Variants in PTPRJ observed in about 807,000 individuals in gnomAD.
PTPRJ encodes the protein receptor-type tyrosine-protein phosphatase eta.
Under a neutral mutation model 141.3 loss-of-function variants are expected in PTPRJ, and 129 were observed. The ratio of observed to expected loss-of-function variants is 0.91; its 90% CI spans 0.79 to 1.06. The LOEUF is 1.06. Among genes scored for constraint, PTPRJ ranks in the 50% least tolerant of loss-of-function variants. PTPRJ has a pLI of 0.00. For synonymous variants in PTPRJ, 610 were observed against 640.5 expected (o/e 0.95, Z 0.72); for missense variants, 1,601 against 1,679.7 (o/e 0.95, Z 0.82).
intron 1 of PTPRJ, among the ~76,000 whole-genome samples, chr11:48,057,831 C>G (rs1420756058): frequency 1.3e-5 from 2 of 152,098 alleles, no homozygotes; most frequent in East Asian, 3.9e-4. Flanking sequence ...GCCAATGGTT[C>G]TAGCCAGTTT....
intron 1 of PTPRJ, among the ~76,000 whole-genome samples, chr11:48,018,974 C>G (rs1172356611): frequency 6.6e-6 from 1 of 152,090 alleles, no homozygotes; most frequent in Non-Finnish European, 1.5e-5. Context: ...TACCCTCTCT[C>G]CACGCTTTCT....
chr11:48,037,595 T>TGAGTCCAGGAGTTC (rs1199019126), intron 1 of PTPRJ, among the ~76,000 whole-genome samples: 1 of 152,184 alleles, frequency 6.6e-6, no homozygotes, highest in Non-Finnish European at 1.5e-5. Context: ...GCGGATCACT[T>TGAGTCCAGGAGTTC]GAGTCCAGGA....
At chr11:48,041,402 A>T (rs1854270328) in intron 1 of PTPRJ, among the ~76,000 whole-genome samples, 1 of 152,182 alleles carries the variant, frequency 6.6e-6, no homozygotes, top group South Asian at 2.1e-4. Flanking sequence ...TGTGCTATAC[A>T]GTTTATTTAT....
At chr11:48,012,091 G>A (rs1854810614) in intron 1 of PTPRJ, among the ~76,000 whole-genome samples, 1 of 152,150 alleles carries the variant, frequency 6.6e-6, no homozygotes, top group Admixed American at 6.5e-5. Flanking sequence ...TTCTTGTGGG[G>A]AGTCCTGTGA....
At chr11:48,056,728 G>A (rs920475040) in intron 1 of PTPRJ, among the ~76,000 whole-genome samples, 2 of 152,154 alleles carry the variant, frequency 1.3e-5, no homozygotes, top group Non-Finnish European at 2.9e-5. Flanking sequence ...CGAGGTAGGC[G>A]GATCATCTGA....
At position 48,167,519 on chromosome 11, in the gene PTPRJ, A is replaced by G. The variant is rs1381091331; in HGVS notation, c.*157A>G. ...GAGGGCATGAAGCTGCATATGATAG[A>G]TGACAAATTGGGGCTGTCGGGGGCT... On this transcript the variant is annotated 3_prime_UTR_variant, in exon 25 of 25. Coordinates refer to ENST00000418331, the MANE Select transcript of PTPRJ (RefSeq NM_002843.4). The G allele has an allele frequency of 3.6e-6, 3 of 841,116 alleles. No individual in the cohort carries two copies. In the African/African-American group the frequency reaches 5.3e-5, roughly 15 times the overall value. 52.1% of individuals were successfully genotyped at this position (841,116 alleles called of 1,614,324 possible).
At position 48,089,763 on chromosome 11, in the gene PTPRJ, C is replaced by G. The variant is rs1014977574; in HGVS notation, c.97-20295C>G. On this transcript the variant is annotated intron_variant, in intron 1 of 24. Transcript: ENST00000418331. ...AAGGTGCTTGGCACCTGGAGCTGTT[C>G]ACAGTAAATGGAAGGAATTTTTATG... Among the ~76,000 whole-genome samples the G allele has an allele frequency of 2.6e-5, 4 of 152,118 alleles. No individual in the cohort carries two copies. In the East Asian group the frequency reaches 7.7e-4, roughly 29 times the overall value.
chr11:48,066,932 C>A (rs1855101896), intron 1 of PTPRJ, among the ~76,000 whole-genome samples: 1 of 152,120 alleles, frequency 6.6e-6, no homozygotes, highest in Admixed American at 6.5e-5. Flanking sequence ...GTTGTGGACA[C>A]CTTCCAGGGT....
At position 48,158,133 on chromosome 11, in the gene PTPRJ, C is replaced by T. The variant is rs1402806844; in HGVS notation, c.3439-1797C>T. Among the ~76,000 whole-genome samples, 2 of 152,260 alleles carry T rather than the reference C, an allele frequency of 1.3e-5. No individual in the cohort carries two copies. The highest frequency in any genetic ancestry group is 2.9e-5 in the Non-Finnish European group (2 of 68,010). ...CACCACTGCACTCCAGCCTAGGCAACAGAGCAAGACTCTGTCTCAAAACAA... is the reference window on the plus strand; with the variant it reads ...CACCACTGCACTCCAGCCTAGGCAATAGAGCAAGACTCTGTCTCAAAACAA... On this transcript the variant is annotated intron_variant, in intron 21 of 24. Coordinates refer to ENST00000418331, the MANE Select transcript of PTPRJ (RefSeq NM_002843.4). The surrounding 1 kb of genome is among the most constrained non-coding windows in gnomAD (Gnocchi z 4.4).
intron 24 of PTPRJ, among the ~76,000 whole-genome samples, chr11:48,166,882 C>T (rs931060612): frequency 2.0e-5 from 3 of 152,112 alleles, no homozygotes; most frequent in East Asian, 1.9e-4. Flanking sequence ...TTTGATTGTT[C>T]GAATGTGTGT....
At chr11:48,120,453 C>CT (rs1249524958) in intron 3 of PTPRJ, among the ~76,000 whole-genome samples, 2 of 152,078 alleles carry the variant, frequency 1.3e-5, no homozygotes, top group East Asian at 3.9e-4. Flanking sequence ...GAGATGGAGT[C>CT]TCGGTCTTGT....
intron 1 of PTPRJ, among the ~76,000 whole-genome samples, chr11:48,101,529 C>T (rs964492327): frequency 2.0e-5 from 3 of 152,194 alleles, no homozygotes; most frequent in Admixed American, 1.3e-4. Flanking sequence ...GACAGAGACC[C>T]GATTAGCATT....
chr11:48,016,326 G>C (rs764601922), intron 1 of PTPRJ, among the ~76,000 whole-genome samples: 1 of 152,210 alleles, frequency 6.6e-6, no homozygotes, highest in Non-Finnish European at 1.5e-5. Context: ...GTAGCCCAGG[G>C]TAGAAAAGGA....
At chr11:48,088,430 G>A (rs1391824184) in intron 1 of PTPRJ, among the ~76,000 whole-genome samples, 1 of 152,198 alleles carries the variant, frequency 6.6e-6, no homozygotes, top group Non-Finnish European at 1.5e-5. Context: ...GGCCTAAGCT[G>A]TGCTGTACCG....
intron 3 of PTPRJ, among the ~76,000 whole-genome samples, chr11:48,116,354 T>C (rs927398043): frequency 2.6e-5 from 4 of 152,228 alleles, no homozygotes; most frequent in African/African-American, 7.2e-5. Context: ...GATAAAGGGA[T>C]CAATTCATCA....
intron 1 of PTPRJ, among the ~76,000 whole-genome samples, chr11:48,070,837 A>G (rs2134272483): frequency 6.6e-6 from 1 of 152,302 alleles, no homozygotes; most frequent in East Asian, 1.9e-4. Context: ...AGTATACTTC[A>G]TTATTTATCT....
At chr11:48,072,717 T>G (rs1458990369) in intron 1 of PTPRJ, among the ~76,000 whole-genome samples, 3 of 152,220 alleles carry the variant, frequency 2.0e-5, no homozygotes, top group African/African-American at 7.2e-5. Context: ...TTTTCTTGAC[T>G]CTTTTTGATC....
intron 1 of PTPRJ, among the ~76,000 whole-genome samples, chr11:48,018,171 G>GTT (rs398055230): frequency 1.5e-5 from 2 of 137,206 alleles, no homozygotes; most frequent in Non-Finnish European, 1.6e-5. Context: ...TTTCCTTCCT[G>GTT]TTTTTTTTTT....
chr11:47,981,644 C>T (rs1681611), intron 1 of PTPRJ, among the ~76,000 whole-genome samples: 2,381 of 152,332 alleles, frequency 0.016, 77 homozygotes, highest in African/African-American at 0.055. Flanking sequence ...GTGTTTAATT[C>T]GTGCTTTGTG....
Sources: allele counts gnomAD v4.1 joint callset (sites outside exome capture counted in the v4.1 genomes callset), GRCh38; gene constraint gnomAD v4.1.1; non-coding constraint Gnocchi (gnomAD v3.1); transcripts MANE v1.5; gene names NCBI Gene and HGNC (gene_info 2026-07-23, HGNC 2026-07-21).